The following CCDC197 variants were observed in gnomAD, a reference collection of about 807,000 sequenced individuals.
The protein encoded by CCDC197 is uncharacterized protein CCDC197.
In CCDC197, 24 loss-of-function variants were observed where a neutral mutation model predicts 13.4. That is an observed-to-expected ratio of 1.80 (90% CI 1.30 to 2.53). The LOEUF (loss-of-function observed/expected upper bound fraction) is 2.53, where lower values mean the gene tolerates loss of function less well. CCDC197 is among the 30% of genes most tolerant of loss of function. CCDC197 has a pLI of 0.00. For missense variants in CCDC197, 255 were observed against 148.8 expected (o/e 1.71, Z -3.71); for synonymous variants, 99 against 55.5 (o/e 1.78, Z -3.48).
chr14:93,992,137 C>A (rs1356994740), intron 1 of CCDC197, among the ~76,000 whole-genome samples: 1 of 152,190 alleles, frequency 6.6e-6, no homozygotes, highest in East Asian at 1.9e-4. Context: ...CACTGTTGAC[C>A]TGAACATCAC....
In CCDC197 at chr14:94,008,724, C is replaced by T. The variant is rs944241847; in HGVS notation, c.731C>T (p.Pro244Leu). 1.4e-5 allele frequency: 10 copies of T among 702,796 alleles called. No homozygotes were observed. The highest frequency in any genetic ancestry group is 2.3e-5 in the Non-Finnish European group (9 of 385,022). The allele number at this position is 702,796 out of a possible 1,614,324, so 43.5% of individuals were successfully genotyped here. Residue 244 changes from proline to leucine, a missense_variant, in exon 7 of 7, where the codon CCC becomes CTC. Pro to Leu is a moderately conservative substitution (Grantham distance 98). Transcript: ENST00000636493. ...CAGTGGCTCAGAAGACACCCCAAAC[C>T]CTTCAGGAAATGTCCAAGGAGGCGG... The part of the protein sequence containing the change: ...GDQWLRRHPK[P>L]FRKCPRRRVS...
chr14:93,992,095 T>C (rs1890223149), intron 1 of CCDC197, among the ~76,000 whole-genome samples: 1 of 152,244 alleles, frequency 6.6e-6, no homozygotes, highest in African/African-American at 2.4e-5. Context: ...CAGAAACTGA[T>C]GAATGCCATA....
At chr14:93,993,510 G>GCCA (rs1890241020), upstream of CCDC197, among the ~76,000 whole-genome samples, 1 of 152,210 alleles carries the variant, frequency 6.6e-6, no homozygotes, top group African/African-American at 2.4e-5. Flanking sequence ...CTTTTCCTGA[G>GCCA]GCCACACAGC....
rs942160672 is a variant in CCDC197, at chr14:94,008,654, C to T, written c.661C>T (p.Leu221Phe). The T allele has an allele frequency of 7.1e-6, 5 of 702,952 alleles. No individual in the cohort carries two copies. The highest frequency in any genetic ancestry group is 1.3e-5 in the Non-Finnish European group (5 of 385,018). 43.5% of individuals were successfully genotyped at this position (702,952 alleles called of 1,614,324 possible). A position where few individuals can be genotyped will look rare whatever the true frequency, so the allele number is the denominator to read the frequency against. ...GGAGACTGTAAGACTGATCGCACTG[C>T]TCACGGAACCCAAAGTGTGCTGGTC... ...KMETVRLIALLTEPKVCWSWD... is the reference protein window; with the variant it reads ...KMETVRLIALFTEPKVCWSWD... The change falls in exon 7 of 7, where the codon CTC (leucine) becomes TTC (phenylalanine). Residue 221 changes from leucine (L) to phenylalanine (F), a missense_variant. Leu to Phe is a conservative substitution (Grantham distance 22). Transcript: ENST00000636493.
intron 6 of CCDC197, among the ~76,000 whole-genome samples, chr14:94,006,684 A>G (rs1341445416): frequency 6.6e-6 from 1 of 152,036 alleles, no homozygotes; most frequent in Non-Finnish European, 1.5e-5. Context: ...TTGAGTTGTA[A>G]GAATTCTTTT....
intron 1 of CCDC197, among the ~76,000 whole-genome samples, chr14:93,991,381 A>G (rs1890208381): frequency 6.6e-6 from 1 of 152,192 alleles, no homozygotes; most frequent in Admixed American, 6.5e-5. Flanking sequence ...TCCATCACAT[A>G]GGCAATGTTG....
intron 6 of CCDC197, among the ~76,000 whole-genome samples, chr14:94,005,684 A>G (rs1249234885): frequency 4.6e-5 from 7 of 152,248 alleles, no homozygotes; most frequent in Admixed American, 2.6e-4. Flanking sequence ...AAAATTGCAC[A>G]GCCATTACCC....
At chr14:94,002,228 C>T (rs563976642) in intron 4 of CCDC197, among the ~76,000 whole-genome samples, 2 of 152,236 alleles carry the variant, frequency 1.3e-5, no homozygotes, top group East Asian at 3.9e-4. Flanking sequence ...CTGTCTTTCT[C>T]TCTCTCTTTC....
At chr14:93,988,884 GGGGATGGGAGAC>G (rs1173037389) in intron 1 of CCDC197, among the ~76,000 whole-genome samples, 1 of 148,392 alleles carries the variant, frequency 6.7e-6, no homozygotes, top group Non-Finnish European at 1.5e-5. Flanking sequence ...GATGGGACGA[GGGGATGGGAGAC>G]GGGATGGGAG....
At chr14:93,989,073 C>A (rs1001879301) in intron 1 of CCDC197, among the ~76,000 whole-genome samples, 20 of 151,832 alleles carry the variant, frequency 1.3e-4, no homozygotes, top group Admixed American at 1.2e-3. Flanking sequence ...GGGGTCCATG[C>A]GAGAGATGGT....
upstream of CCDC197, among the ~76,000 whole-genome samples, chr14:93,995,613 G>T (rs946781224): frequency 6.6e-6 from 1 of 152,198 alleles, no homozygotes; most frequent in African/African-American, 2.4e-5. Flanking sequence ...GTCAAGCCAA[G>T]GGGTGGGCAC....
At chr14:93,999,006 G>T (rs542431853) in intron 2 of CCDC197, among the ~76,000 whole-genome samples, 1 of 152,232 alleles carries the variant, frequency 6.6e-6, no homozygotes, top group Non-Finnish European at 1.5e-5. Flanking sequence ...CAGAGCAGGT[G>T]ACCTGTTGGT....
intron 3 of CCDC197, chr14:94,000,859 G>T: frequency 3.1e-6 from 1 of 319,006 alleles, no homozygotes; most frequent in Admixed American, 5.0e-5. Context: ...ATCTCCTTGA[G>T]GGCAGTCTCC....
chr14:93,998,790 G>A (rs1195896577), intron 2 of CCDC197, among the ~76,000 whole-genome samples: 1 of 152,204 alleles, frequency 6.6e-6, no homozygotes, highest in Admixed American at 6.5e-5. Flanking sequence ...TGGTATCTGT[G>A]GGAAGGATGA....
At position 94,001,153 on chromosome 14, in the gene CCDC197, G is replaced by C. The variant is rs769683444; in HGVS notation, c.196G>C (p.Gly66Arg). ...TGGCGCTGTCTCCGTAGGCTGCACGGGATGGGAGGAGCCGGAGGAGGTGCT... is the reference window on the plus strand; with the variant it reads ...TGGCGCTGTCTCCGTAGGCTGCACGCGATGGGAGGAGCCGGAGGAGGTGCT... Reference protein sequence around the residue: ...VLEKIPEGCTGWEEPEEVLVE... With the variant: ...VLEKIPEGCTRWEEPEEVLVE... The change falls in exon 4 of 7, where the codon GGA (glycine) becomes CGA (arginine). Residue 66 changes from glycine (G) to arginine (R), a missense_variant. By Grantham distance (125) the Gly-to-Arg change is moderately radical. Coordinates refer to ENST00000636493, the MANE Select transcript of CCDC197 (RefSeq NM_001351596.2). The C allele has an allele frequency of 5.1e-6, 4 of 779,042 alleles. No homozygotes were observed. In the South Asian group the frequency reaches 5.4e-5, roughly 10 times the overall value. 48.3% of individuals were successfully genotyped at this position (779,042 alleles called of 1,614,324 possible). A position where few individuals can be genotyped will look rare whatever the true frequency, so the allele number is the denominator to read the frequency against.
Position 94,003,301 on chromosome 14 carries a change from A to G in CCDC197, c.445A>G (p.Ile149Val), listed in dbSNP as rs1214384370. 11 of 780,692 alleles carry G rather than the reference A, an allele frequency of 1.4e-5. No individual in the cohort carries two copies. Among genetic ancestry groups the G allele is most frequent in the South Asian group, 4.0e-5 (3 of 74,614 alleles). 48.4% of individuals were successfully genotyped at this position (780,692 alleles called of 1,614,324 possible). A position where few individuals can be genotyped will look rare whatever the true frequency, so the allele number is the denominator to read the frequency against. Residue 149 changes from isoleucine to valine, a missense_variant, in exon 5 of 7, where the codon ATC becomes GTC. Transcript: ENST00000636493. This position sits in a 1 kb window ranked among gnomAD's most constrained non-coding sequence, Gnocchi z 5.0. ...QEQWWQLKHS[I>V]TYQKDIDFDT... ...GCAGTGGTGGCAGCTGAAGCACAGC[A>G]TCACTTACCAGAAGGACATTGACTT...
downstream of CCDC197, among the ~76,000 whole-genome samples, chr14:94,009,841 G>A (rs565544643): frequency 4.6e-5 from 7 of 152,206 alleles, no homozygotes; most frequent in Admixed American, 1.3e-4. Context: ...GCTTGCTTTC[G>A]TTGTGCCACT....
chr14:93,992,028 A>C lies in CCDC197; in HGVS notation c.-107+4632A>C, dbSNP rs116153230. Among the ~76,000 whole-genome samples, 509 of 152,366 alleles carry C rather than the reference A, an allele frequency of 3.3e-3. 4 individuals are homozygous for C. Among genetic ancestry groups the C allele is most frequent in the African/African-American group, 0.012 (493 of 41,594 alleles). On this transcript the variant is annotated intron_variant, in intron 1 of 7. Transcript: ENST00000640978. ...TGTTAAGTCTTCAGGCATTTTGCAA[A>C]CAGGTTGTTAAATTGTGAGTAGCTT...
chr14:94,001,442 G>A, intron 4 of CCDC197, 119 bp downstream of exon 4: 1 of 554,190 alleles, frequency 1.8e-6, no homozygotes, highest in South Asian at 2.3e-5. Flanking sequence ...AATGCTGGGG[G>A]GCCCTCGGTG....
Sources: allele counts gnomAD v4.1 joint callset (sites outside exome capture counted in the v4.1 genomes callset), GRCh38; gene constraint gnomAD v4.1.1; non-coding constraint Gnocchi (gnomAD v3.1); transcripts MANE v1.5; gene names NCBI Gene and HGNC (gene_info 2026-07-23, HGNC 2026-07-21).